Variants in KCNQ1 observed in about 807,000 individuals in gnomAD.
KCNQ1 encodes the protein potassium voltage-gated channel subfamily KQT member 1.
Under a neutral mutation model 72.4 loss-of-function variants are expected in KCNQ1, and 49 were observed. The ratio of observed to expected loss-of-function variants is 0.68; its 90% CI spans 0.54 to 0.86. The LOEUF (loss-of-function observed/expected upper bound fraction) is 0.86, where lower values mean the gene tolerates loss of function less well. Ranked by LOEUF, KCNQ1 falls within the 40% of genes least tolerant of loss-of-function variation. The probability of loss-of-function intolerance (pLI) is 0.00; values close to 1 mark genes in which losing one functional copy is unlikely to be tolerated. For missense variants in KCNQ1, 790 were observed against 945.1 expected (o/e 0.84, Z 2.15); for synonymous variants, 450 against 412.6 (o/e 1.09, Z -1.10).
rs561359704 is a variant in KCNQ1, at chr11:2,788,514, C to A, written c.1794+10477C>A. Among the ~76,000 whole-genome samples, 5 of 152,134 alleles carry A rather than the reference C, an allele frequency of 3.3e-5. No individual in the cohort carries two copies. In the East Asian group the frequency reaches 9.8e-4, roughly 30 times the overall value. ...GACTGCCCTGGCAGCCCCAGACCTG[C>A]CTCTCCTCGGCAGCTCCCCCTCCCC... On this transcript the variant is annotated intron_variant, in intron 15 of 15. Coordinates refer to ENST00000155840, the MANE Select transcript of KCNQ1 (RefSeq NM_000218.3).
chr11:2,807,157 C>G (rs1008290756), intron 15 of KCNQ1, among the ~76,000 whole-genome samples: 1 of 152,232 alleles, frequency 6.6e-6, no homozygotes. Flanking sequence ...GCTAATTATT[C>G]TCTTGAGGAA....
chr11:2,588,459 C>T lies in KCNQ1; in HGVS notation c.1252-254C>T. Among the ~76,000 whole-genome samples, 1 of 152,196 alleles carries T rather than the reference C, an allele frequency of 6.6e-6. No individual in the cohort carries two copies. The highest frequency in any genetic ancestry group is 1.9e-4 in the East Asian group (1 of 5,178). On this transcript the variant is annotated intron_variant, in intron 9 of 15. Coordinates refer to ENST00000155840, the MANE Select transcript of KCNQ1 (RefSeq NM_000218.3). This position sits in a 1 kb window ranked among gnomAD's most constrained non-coding sequence, Gnocchi z 5.6. Reference sequence around the variant, plus strand: ...CACTGGCACCATCTTGTACGTTTATCTGCTTCCTGCTGTCCTGTTAGCGAG... The same window carrying T: ...CACTGGCACCATCTTGTACGTTTATTTGCTTCCTGCTGTCCTGTTAGCGAG...
intron 2 of KCNQ1, among the ~76,000 whole-genome samples, chr11:2,557,682 AG>A (rs1261010337): frequency 6.6e-6 from 1 of 152,208 alleles, no homozygotes; most frequent in Non-Finnish European, 1.5e-5. Context: ...GGCTTCTCCA[AG>A]GCTGCATGGA....
intron 10 of KCNQ1, chr11:2,643,729 T>A: frequency 2.5e-6 from 1 of 398,580 alleles, no homozygotes; most frequent in South Asian, 1.3e-4. Context: ...GAAGTTGTCC[T>A]TTCACTTCTT....
rs1461785204 is a variant in KCNQ1, at chr11:2,526,617, A to G, written c.387-1311A>G. ...GAAACCTCCGTGCAGCAGGAGGATG[A>G]GCCGAGGCAGGCTGTGCTGGGAGGT... On this transcript the variant is annotated intron_variant, in intron 1 of 15. Transcript: ENST00000155840. This position sits in a 1 kb window ranked among gnomAD's most constrained non-coding sequence, Gnocchi z 6.1. 7.2e-6 allele frequency among the ~76,000 whole-genome samples: 1 copy of G among 138,164 alleles called. No homozygotes were observed. Among genetic ancestry groups the G allele is most frequent in the African/African-American group, 2.7e-5 (1 of 37,068 alleles). The allele number at this position is 138,164 out of a possible 152,430, so 90.6% of individuals were successfully genotyped here.
chr11:2,627,911 C>G lies in KCNQ1; in HGVS notation c.1394-34050C>G. On this transcript the variant is annotated intron_variant, in intron 10 of 15. Coordinates refer to ENST00000155840, the MANE Select transcript of KCNQ1 (RefSeq NM_000218.3). The surrounding 1 kb of genome is among the most constrained non-coding windows in gnomAD (Gnocchi z 4.9). ...GACCACAGTCATGCACCCCCATGCC[C>G]AGCTAATTTTTAAAATTTTATGTAG... 1 of 398,528 alleles carries G rather than the reference C, an allele frequency of 2.5e-6. No individual in the cohort carries two copies. Among genetic ancestry groups the G allele is most frequent in the South Asian group, 1.3e-4 (1 of 7,836 alleles). The allele number at this position is 398,528 out of a possible 1,614,324, so 24.7% of individuals were successfully genotyped here. A position where few individuals can be genotyped will look rare whatever the true frequency, so the allele number is the denominator to read the frequency against.
chr11:2,768,219 T>C lies in KCNQ1; in HGVS notation c.1515-625T>C, dbSNP rs1239817435. On this transcript the variant is annotated intron_variant, in intron 11 of 15. Coordinates refer to ENST00000155840, the MANE Select transcript of KCNQ1 (RefSeq NM_000218.3). This position sits in a 1 kb window ranked among gnomAD's most constrained non-coding sequence, Gnocchi z 6.7. ...GGCGCTGTGTTTTCTTCCAGTCTTT[T>C]TTCTATGCACAGACACATCATCCCC... Among the ~76,000 whole-genome samples the C allele has an allele frequency of 6.6e-6, 1 of 152,256 alleles. No individual in the cohort carries two copies. The highest frequency in any genetic ancestry group is 1.5e-5 in the Non-Finnish European group (1 of 68,048).
intron 11 of KCNQ1, among the ~76,000 whole-genome samples, chr11:2,727,238 G>A (rs1465255966): frequency 2.0e-5 from 3 of 152,200 alleles, no homozygotes; most frequent in Non-Finnish European, 4.4e-5. Flanking sequence ...CAGCTTGGGG[G>A]ATGTGCTCAG....
intron 1 of KCNQ1, among the ~76,000 whole-genome samples, chr11:2,517,149 C>G (rs568553278): frequency 6.6e-6 from 1 of 152,306 alleles, no homozygotes; most frequent in South Asian, 2.1e-4. Context: ...AGGTGCCAGG[C>G]GGGGCCAGCC....
At chr11:2,846,017 G>A (rs1024941510) in intron 15 of KCNQ1, among the ~76,000 whole-genome samples, 10 of 152,116 alleles carry the variant, frequency 6.6e-5, no homozygotes, top group Non-Finnish European at 1.2e-4. Flanking sequence ...TGGCCATCCC[G>A]GGGCTTGTGC....
rs12720449 is a variant in KCNQ1, at chr11:2,588,804, C to G, written c.1343C>G (p.Pro448Arg). Reference protein sequence around the residue: ...LTVPHITCDPPEERRLDHFSV... With the variant: ...LTVPHITCDPREERRLDHFSV... ...GTCCCCCATATCACGTGCGACCCCCCAGAAGAGCGGCGGCTGGACCACTTC... is the reference window on the plus strand; with the variant it reads ...GTCCCCCATATCACGTGCGACCCCCGAGAAGAGCGGCGGCTGGACCACTTC... Residue 448 changes from proline to arginine, a missense_variant, in exon 10 of 16, where the codon CCA (proline) becomes CGA (arginine). Around this residue, in one of 5 missense-constraint regions of KCNQ1, gnomAD observed 178 missense variants for 177.9 expected, o/e 1.00. Transcript: ENST00000155840. This position sits in a 1 kb window ranked among gnomAD's most constrained non-coding sequence, Gnocchi z 5.6. The G allele has an allele frequency of 3.2e-3, 5,128 of 1,613,288 alleles. 212 individuals are homozygous for G. The East Asian group carries it at 0.099, about 31-fold the overall frequency.
chr11:2,686,364 G>A (rs968889377), intron 11 of KCNQ1: 1 of 398,506 alleles, frequency 2.5e-6, no homozygotes, highest in African/African-American at 2.1e-5. Context: ...TGCTCACTTG[G>A]GCTTATCAGC....
rs963816962 is a variant in KCNQ1 at position 2,588,481 on chromosome 11, C to T, written c.1252-232C>T. On this transcript the variant is annotated intron_variant, in intron 9 of 15. Coordinates refer to ENST00000155840, the MANE Select transcript of KCNQ1 (RefSeq NM_000218.3). This position sits in a 1 kb window ranked among gnomAD's most constrained non-coding sequence, Gnocchi z 5.6. The stretch of plus-strand genomic sequence containing the variant: ...TATCTGCTTCCTGCTGTCCTGTTAG[C>T]GAGGCCGTGAGCTCACAGGGCAGCA... 1.3e-5 allele frequency among the ~76,000 whole-genome samples: 2 copies of T among 152,172 alleles called. No individual in the cohort carries two copies. The highest frequency in any genetic ancestry group is 4.8e-5 in the African/African-American group (2 of 41,448).
chr11:2,449,290 C>T (rs960421772), intron 1 of KCNQ1, among the ~76,000 whole-genome samples: 3 of 152,226 alleles, frequency 2.0e-5, no homozygotes, highest in Admixed American at 1.3e-4. Context: ...AGCCTACAAC[C>T]CTGGGGTACT....
chr11:2,612,411 T>G lies in KCNQ1; in HGVS notation c.1393+23557T>G. ...GGGACCACTATATTATGGTATCCAA[T>G]GGGTATCTCTTCATTTTTCTTCATT... On this transcript the variant is annotated intron_variant, in intron 10 of 15. Coordinates refer to ENST00000155840, the MANE Select transcript of KCNQ1 (RefSeq NM_000218.3). This position sits in a 1 kb window ranked among gnomAD's most constrained non-coding sequence, Gnocchi z 5.5. The G allele has an allele frequency of 2.5e-6, 1 of 398,626 alleles. No homozygotes were observed. Among genetic ancestry groups the G allele is most frequent in the Non-Finnish European group, 4.4e-6 (1 of 226,066 alleles). The allele number at this position is 398,626 out of a possible 1,614,324, so 24.7% of individuals were successfully genotyped here.
At chr11:2,841,856 G>A (rs1012505527) in intron 15 of KCNQ1, among the ~76,000 whole-genome samples, 10 of 152,182 alleles carry the variant, frequency 6.6e-5, no homozygotes, top group Non-Finnish European at 1.3e-4. Flanking sequence ...AGGGGGAAGG[G>A]TCTTTCTTTC....
At chr11:2,800,775 G>A (rs1186127649) in intron 15 of KCNQ1, among the ~76,000 whole-genome samples, 1 of 152,172 alleles carries the variant, frequency 6.6e-6, no homozygotes, top group East Asian at 1.9e-4. Flanking sequence ...GATCCCCATT[G>A]AGCACGGAGA....
In KCNQ1 at chr11:2,467,714, G is replaced by A. The variant is rs147224617; in HGVS notation, c.386+22230G>A. Reference sequence around the variant, plus strand: ...CCCCCACGTCAATGCCTGGGCACACGGGCCCAGTGCACACAGCCAGCAGGC... The same window carrying A: ...CCCCCACGTCAATGCCTGGGCACACAGGCCCAGTGCACACAGCCAGCAGGC... On this transcript the variant is annotated intron_variant, in intron 1 of 15. Coordinates refer to ENST00000155840, the MANE Select transcript of KCNQ1 (RefSeq NM_000218.3). Among the ~76,000 whole-genome samples, 929 of 152,316 alleles carry A rather than the reference G, an allele frequency of 6.1e-3. 8 individuals carry two copies. Among genetic ancestry groups the A allele is most frequent in the Middle Eastern group, 0.017 (5 of 294 alleles).
chr11:2,460,657 C>G (rs1357382216), intron 1 of KCNQ1, among the ~76,000 whole-genome samples: 4 of 152,252 alleles, frequency 2.6e-5, no homozygotes, highest in Non-Finnish European at 4.4e-5. Context: ...TTTGCCAAAG[C>G]CCTGTGCCCA....
Sources: gnomAD v4.1 joint callset for allele counts (sites outside exome capture counted in the v4.1 genomes callset) on GRCh38, gnomAD v4.1.1 for gene constraint, gnomAD v4.1.1 regional missense constraint, Gnocchi (gnomAD v3.1) non-coding constraint, MANE v1.5 for transcripts, NCBI Gene and HGNC (gene_info 2026-07-23, HGNC 2026-07-21) for gene names.